DRC8: variants seen among roughly 807,000 people sequenced by gnomAD.
The protein encoded by DRC8 is dynein regulatory complex protein 8.
the DRC8 span, among the ~76,000 whole-genome samples, chr1:245,015,309 A>G: frequency 6.6e-6 from 1 of 152,182 alleles, no homozygotes; most frequent in Non-Finnish European, 1.5e-5. Context: ...ATTGTCCTTT[A>G]TTCTTTCACT....
At chr1:244,987,448 G>A in the DRC8 span, among the ~76,000 whole-genome samples, 2 of 151,768 alleles carry the variant, frequency 1.3e-5, no homozygotes, top group Admixed American at 6.6e-5. Flanking sequence ...CAAGTGATCC[G>A]CCCACCTCAG....
chr1:244,996,116 G>A, the DRC8 span, among the ~76,000 whole-genome samples: 1 of 152,152 alleles, frequency 6.6e-6, no homozygotes, highest in Non-Finnish European at 1.5e-5. Flanking sequence ...TTCTGGCTCC[G>A]AGTCTCTCAT....
the DRC8 span, among the ~76,000 whole-genome samples, chr1:245,025,870 G>A: frequency 9.2e-5 from 14 of 152,140 alleles, no homozygotes; most frequent in South Asian, 4.1e-4. Context: ...CTTTCCTGCC[G>A]CCATGTAAGA....
the DRC8 span, among the ~76,000 whole-genome samples, chr1:245,038,298 G>A: frequency 1.3e-5 from 2 of 152,154 alleles, no homozygotes; most frequent in Non-Finnish European, 2.9e-5. Context: ...GTGAAACCTT[G>A]TCTCTACGAA....
the DRC8 span, among the ~76,000 whole-genome samples, chr1:245,014,031 C>CAAAAAAA: frequency 1.1e-5 from 1 of 93,124 alleles, no homozygotes; most frequent in Non-Finnish European, 1.9e-5. Context: ...GACTCCATCT[C>CAAAAAAA]AAAAAAAAAA....
At chr1:245,013,448 C>T in the DRC8 span, among the ~76,000 whole-genome samples, 12 of 152,254 alleles carry the variant, frequency 7.9e-5, no homozygotes, top group Non-Finnish European at 1.0e-4. Flanking sequence ...CTAATAAGAA[C>T]CTTGCTAGTT....
the DRC8 span, among the ~76,000 whole-genome samples, chr1:245,103,126 ATTGT>A: frequency 1.4e-5 from 2 of 145,114 alleles, no homozygotes; most frequent in Admixed American, 6.7e-5. Flanking sequence ...GAGGCCAAGC[ATTGT>A]TTATTTCAGT....
At chr1:245,106,193 T>C in the DRC8 span, among the ~76,000 whole-genome samples, 1 of 152,226 alleles carries the variant, frequency 6.6e-6, no homozygotes, top group African/African-American at 2.4e-5. Context: ...CAAACCACAC[T>C]TGGTAACATT....
chr1:245,084,738 G>C, the DRC8 span, among the ~76,000 whole-genome samples: 1,008 of 152,234 alleles, frequency 6.6e-3, 15 homozygotes, highest in African/African-American at 0.023. Flanking sequence ...CTAATCACTT[G>C]AGGCAGAATG....
chr1:244,987,205 CTTTT>C, the DRC8 span, among the ~76,000 whole-genome samples: 57 of 144,478 alleles, frequency 3.9e-4, no homozygotes, highest in African/African-American at 1.4e-3. Context: ...GTATTTCTTT[CTTTT>C]TTTTTTTTTG....
At chr1:245,114,660 G>C in the DRC8 span, among the ~76,000 whole-genome samples, 75 of 152,230 alleles carry the variant, frequency 4.9e-4, no homozygotes, top group African/African-American at 1.7e-3. Context: ...GTGAAATAGG[G>C]CAGATTTTTT....
At chr1:245,083,768 G>A in the DRC8 span, 2 of 1,504,726 alleles carry the variant, frequency 1.3e-6, no homozygotes, top group Non-Finnish European at 1.8e-6. Context: ...AAGTTATAGG[G>A]GATACTTTAA....
chr1:245,098,848 A>G, the DRC8 span, among the ~76,000 whole-genome samples: 1 of 152,192 alleles, frequency 6.6e-6, no homozygotes, highest in Non-Finnish European at 1.5e-5. Context: ...AACTGAACGG[A>G]GTTCGATCCA....
the DRC8 span, among the ~76,000 whole-genome samples, chr1:245,102,087 G>C: frequency 6.6e-6 from 1 of 151,008 alleles, no homozygotes; most frequent in East Asian, 2.0e-4. Flanking sequence ...TTTGCACCGT[G>C]CTTCTACACA....
chr1:244,980,710 T>C, the DRC8 span, among the ~76,000 whole-genome samples: 1 of 152,326 alleles, frequency 6.6e-6, no homozygotes. Context: ...ATGTTGAGTT[T>C]GGGTGCCTGT....
chr1:245,058,778 C>T, the DRC8 span, among the ~76,000 whole-genome samples: 1 of 152,160 alleles, frequency 6.6e-6, no homozygotes, highest in African/African-American at 2.4e-5. Flanking sequence ...TTTATTGAGT[C>T]GCTGCTCTGC....
the DRC8 span, among the ~76,000 whole-genome samples, chr1:245,037,469 G>T: frequency 1.3e-5 from 2 of 152,134 alleles, no homozygotes; most frequent in Non-Finnish European, 2.9e-5. Context: ...TTAAGGACAT[G>T]ATTTCTTAGC....
the DRC8 span, among the ~76,000 whole-genome samples, chr1:245,021,124 TAAC>T: frequency 6.6e-6 from 1 of 152,186 alleles, no homozygotes; most frequent in Non-Finnish European, 1.5e-5. Flanking sequence ...TTTAAAAAAT[TAAC>T]AACTATTTAT....
At chr1:245,023,136 T>C in the DRC8 span, 3 of 152,300 alleles carry the variant, frequency 2.0e-5, no homozygotes, top group East Asian at 5.8e-4. Context: ...ACAAACAATA[T>C]TTGTCTTGTG....
Sources: allele counts gnomAD v4.1 joint callset (sites outside exome capture counted in the v4.1 genomes callset), GRCh38; gene constraint gnomAD v4.1.1; transcripts MANE v1.5; gene names NCBI Gene and HGNC (gene_info 2026-07-23, HGNC 2026-07-21).